The following ALK variants were observed in gnomAD, a reference collection of about 807,000 sequenced individuals.
ALK encodes ALK tyrosine kinase receptor.
ALK carries 74 observed loss-of-function variants against 163.1 expected under a neutral mutation model. That is an observed-to-expected ratio of 0.45 (90% confidence interval 0.38 to 0.55). The LOEUF (loss-of-function observed/expected upper bound fraction) is 0.55. ALK is among the 20% of genes least tolerant of loss of function. ALK has a pLI of 0.00. For synonymous variants in ALK, 960 were observed against 843.2 expected (o/e 1.14, Z -2.40); for missense variants, 2,063 against 2,105.3 (o/e 0.98, Z 0.39).
At chr2:29,553,645 C>A (rs1267405888) in intron 3 of ALK, among the ~76,000 whole-genome samples, 2 of 152,134 alleles carry the variant, frequency 1.3e-5, no homozygotes, top group African/African-American at 4.8e-5. Flanking sequence ...CTCAATATTG[C>A]CTAATAGAAC....
chr2:29,538,017 C>T (rs11692378), intron 3 of ALK, among the ~76,000 whole-genome samples: 1 of 152,100 alleles, frequency 6.6e-6, no homozygotes, highest in African/African-American at 2.4e-5. Context: ...GTACCACCAT[C>T]GTATCTTAGA....
At chr2:29,316,112 T>C (rs897954509) in intron 8 of ALK, among the ~76,000 whole-genome samples, 4 of 152,130 alleles carry the variant, frequency 2.6e-5, no homozygotes, top group African/African-American at 9.7e-5. Context: ...GAGGAGGAAA[T>C]CAACTTCCTG....
intron 5 of ALK, among the ~76,000 whole-genome samples, chr2:29,343,192 T>C (rs1667848488): frequency 7.0e-6 from 1 of 142,802 alleles, no homozygotes; most frequent in African/African-American, 2.6e-5. Flanking sequence ...GGCCGATCTT[T>C]TTTTTAAAAT....
intron 4 of ALK, among the ~76,000 whole-genome samples, chr2:29,471,475 T>G (rs1671345092): frequency 6.6e-6 from 1 of 152,164 alleles, no homozygotes; most frequent in African/African-American, 2.4e-5. Context: ...ATAAGGTTGG[T>G]TTAATTCTCA....
intron 4 of ALK, among the ~76,000 whole-genome samples, chr2:29,500,311 A>C (rs56036173): frequency 6.6e-6 from 1 of 152,050 alleles, no homozygotes; most frequent in East Asian, 1.9e-4. Context: ...TTGGTTGTTT[A>C]AAAGTGTGTG....
At chr2:29,378,941 G>A (rs1668826648) in intron 5 of ALK, among the ~76,000 whole-genome samples, 1 of 152,114 alleles carries the variant, frequency 6.6e-6, no homozygotes, top group Admixed American at 6.6e-5. Flanking sequence ...TCGAACTCCT[G>A]ACCTCAGGTG....
At chr2:29,574,659 G>A (rs1262718330) in intron 3 of ALK, among the ~76,000 whole-genome samples, 1 of 152,238 alleles carries the variant, frequency 6.6e-6, no homozygotes, top group Non-Finnish European at 1.5e-5. Flanking sequence ...CGTGCAGGCA[G>A]GAATGGGTAC....
At chr2:29,266,039 C>G (rs1665212725) in intron 11 of ALK, among the ~76,000 whole-genome samples, 1 of 152,118 alleles carries the variant, frequency 6.6e-6, no homozygotes. Context: ...CAAAGCATCT[C>G]CAATTTAATC....
intron 11 of ALK, among the ~76,000 whole-genome samples, chr2:29,253,873 TAGATAGATAGATAG>T (rs1306833018): frequency 6.6e-6 from 1 of 151,684 alleles, no homozygotes; most frequent in Non-Finnish European, 1.5e-5. Context: ...GATAGATAGA[TAGATAGATAGATAG>T]ATAGATAGGT....
At chr2:29,743,710 G>C (rs888876983) in intron 1 of ALK, among the ~76,000 whole-genome samples, 4 of 152,204 alleles carry the variant, frequency 2.6e-5, no homozygotes, top group Admixed American at 6.5e-5. Flanking sequence ...CCACCCAACA[G>C]ATGGGGGCTT....
At chr2:29,362,005 G>T (rs1668399171) in intron 5 of ALK, among the ~76,000 whole-genome samples, 1 of 152,300 alleles carries the variant, frequency 6.6e-6, no homozygotes, top group East Asian at 1.9e-4. Context: ...GGGAGAGAAG[G>T]ATGGAGAAAG....
Position 29,220,752 on chromosome 2 carries a change from G to A in ALK, c.3599C>T (p.Ala1200Val), listed in dbSNP as rs200585833. 316 of 1,613,738 alleles carry A rather than the reference G, an allele frequency of 2.0e-4. No homozygotes were observed. Among genetic ancestry groups the A allele is most frequent in the Non-Finnish European group, 2.5e-4 (295 of 1,179,842 alleles). ...GAGGAAGGACTTGAGGTCTCCCCCC[G>A]CCATGAGCTCCAGCAGGATGAACCG... ...LPRFILLELM[A>V]GGDLKSFLRE... Residue 1200 changes from alanine (A) to valine (V), a missense_variant, in exon 23 of 29, where the codon GCG becomes GTG. This residue lies in a region of ALK where 575 missense variants were observed against 626.6 expected (regional missense o/e 0.92). Coordinates refer to ENST00000389048, the MANE Select transcript of ALK (RefSeq NM_004304.5).
chr2:29,610,171 T>C (rs1377157049), intron 3 of ALK, among the ~76,000 whole-genome samples: 1 of 152,144 alleles, frequency 6.6e-6, no homozygotes, highest in Non-Finnish European at 1.5e-5. Flanking sequence ...CAAACAGATG[T>C]TTGTAAATCT....
At chr2:29,349,247 T>C (rs2148277838) in intron 5 of ALK, among the ~76,000 whole-genome samples, 1 of 152,282 alleles carries the variant, frequency 6.6e-6, no homozygotes, top group Admixed American at 6.5e-5. Flanking sequence ...AGCAGTGGTT[T>C]CCCTGGCCTG....
intron 1 of ALK, among the ~76,000 whole-genome samples, chr2:29,756,458 T>C (rs761195225): frequency 2.0e-5 from 3 of 152,196 alleles, no homozygotes; most frequent in African/African-American, 4.8e-5. Flanking sequence ...ACTGTGTTGA[T>C]GTCTTTATAA....
At chr2:29,840,523 C>A (rs562501768) in intron 1 of ALK, among the ~76,000 whole-genome samples, 1 of 152,142 alleles carries the variant, frequency 6.6e-6, no homozygotes, top group African/African-American at 2.4e-5. Flanking sequence ...TTCTTGAATT[C>A]CTTTCTGTTC....
chr2:29,664,416 C>A (rs1040325581), intron 3 of ALK, among the ~76,000 whole-genome samples: 4 of 152,158 alleles, frequency 2.6e-5, no homozygotes, highest in South Asian at 2.1e-4. Context: ...GACTCACAGC[C>A]TTTTTGTACT....
At chr2:29,651,868 T>C (rs998016056) in intron 3 of ALK, among the ~76,000 whole-genome samples, 3 of 152,136 alleles carry the variant, frequency 2.0e-5, no homozygotes, top group Non-Finnish European at 4.4e-5. Flanking sequence ...TTAGAACAAA[T>C]ACAATAGCCT....
intron 4 of ALK, among the ~76,000 whole-genome samples, chr2:29,401,964 A>G (rs1669456428): frequency 6.6e-6 from 1 of 152,212 alleles, no homozygotes; most frequent in Admixed American, 6.5e-5. Context: ...GAAATAATGA[A>G]TGATAATCAG....
Sources: allele counts gnomAD v4.1 joint callset (sites outside exome capture counted in the v4.1 genomes callset), GRCh38; gene constraint gnomAD v4.1.1; regional missense constraint gnomAD v4.1.1; transcripts MANE v1.5; gene names NCBI Gene and HGNC (gene_info 2026-07-23, HGNC 2026-07-21).